Variants in SPAG17 observed in about 807,000 individuals in gnomAD.
The protein encoded by SPAG17 is sperm associated antigen 17.
A neutral mutation model predicts 273.6 loss-of-function variants in SPAG17; 169 were observed. The ratio of observed to expected loss-of-function variants is 0.62; its 90% CI spans 0.55 to 0.70. The LOEUF (loss-of-function observed/expected upper bound fraction) is 0.70, where lower values mean the gene tolerates loss of function less well. Ranked by LOEUF, SPAG17 falls within the 30% of genes least tolerant of loss-of-function variation. The pLI, the probability that SPAG17 is intolerant of heterozygous loss-of-function variation, is 0.00. For missense variants in SPAG17, 2,557 were observed against 2,627.8 expected, an observed-to-expected ratio of 0.97 and a Z score of 0.59; for synonymous variants, 825 against 873.2, an observed-to-expected ratio of 0.94 and a Z score of 0.97.
At chr1:118,009,157 A>G (rs994053036) in intron 30 of SPAG17, among the ~76,000 whole-genome samples, 1 of 152,078 alleles carries the variant, frequency 6.6e-6, no homozygotes, top group Non-Finnish European at 1.5e-5. Flanking sequence ...ATGAATAAGT[A>G]TAAGAATGTA....
intron 1 of SPAG17, among the ~76,000 whole-genome samples, chr1:118,169,678 T>TA (rs1660329895): frequency 6.6e-6 from 1 of 152,182 alleles, no homozygotes; most frequent in African/African-American, 2.4e-5. Flanking sequence ...AAATCCTACT[T>TA]AGACCCAGTT....
chr1:118,008,408 ATCT>A (rs1241570831), intron 30 of SPAG17, among the ~76,000 whole-genome samples: 1 of 152,036 alleles, frequency 6.6e-6, no homozygotes, highest in South Asian at 2.1e-4. Context: ...TCCAGAAAAA[ATCT>A]TCTTAATTTA....
At chr1:118,099,559 G>T in intron 6 of SPAG17, 47 bp downstream of exon 6, 1 of 1,474,424 alleles carries the variant, frequency 6.8e-7, no homozygotes, top group South Asian at 1.1e-5. Flanking sequence ...TTTAAGGACA[G>T]TGGGTAATAT....
chr1:118,017,276 C>T lies in SPAG17; in HGVS notation c.4070-1094G>A, dbSNP rs188839738. Among the ~76,000 whole-genome samples, 56 of 152,028 alleles carry T rather than the reference C, an allele frequency of 3.7e-4. No homozygotes were observed. The East Asian group carries it at 0.01, about 28-fold the overall frequency. ...TTTTTTCTATATTCTCCCTTTTTCT[C>T]CTATTTCCCTCCCCTCTCCTTCTGT... On this transcript the variant is annotated intron_variant, in intron 28 of 48. Coordinates refer to ENST00000336338, the MANE Select transcript of SPAG17 (RefSeq NM_206996.4).
At chr1:118,165,204 G>A (rs551551746) in intron 1 of SPAG17, among the ~76,000 whole-genome samples, 35 of 152,256 alleles carry the variant, frequency 2.3e-4, no homozygotes, top group African/African-American at 8.2e-4. Context: ...CATCACGGTC[G>A]TCCTGGGGTT....
intron 4 of SPAG17, among the ~76,000 whole-genome samples, chr1:118,105,955 G>A (rs1201749476): frequency 6.6e-6 from 1 of 152,152 alleles, no homozygotes; most frequent in Admixed American, 6.5e-5. Flanking sequence ...AGATAGGAGG[G>A]TCTGGGTAAC....
intron 6 of SPAG17, 101 bp from the exon 7 acceptor site, chr1:118,097,952 A>G (rs1655823749): frequency 1.6e-6 from 1 of 616,996 alleles, no homozygotes; most frequent in East Asian, 3.3e-5. Flanking sequence ...ATATCTGTAC[A>G]GTACCAGAAA....
intron 30 of SPAG17, among the ~76,000 whole-genome samples, chr1:118,010,651 C>T (rs1004774742): frequency 4.6e-5 from 7 of 152,104 alleles, no homozygotes; most frequent in East Asian, 1.9e-4. Flanking sequence ...GACGTAGCAA[C>T]AGGCAAAGAT....
At chr1:117,954,246 G>A (rs1651835246) in intron 48 of SPAG17, 197 bp from the exon 49 acceptor site, 1 of 696,842 alleles carries the variant, frequency 1.4e-6, no homozygotes, top group Admixed American at 3.3e-5. Context: ...AGAAATTGAG[G>A]AAGTGTGGGA....
intron 3 of SPAG17, among the ~76,000 whole-genome samples, chr1:118,146,009 G>GC (rs1658968208): frequency 6.6e-6 from 1 of 152,124 alleles, no homozygotes; most frequent in Non-Finnish European, 1.5e-5. Context: ...TGGTTGGTAG[G>GC]CATGGTGACC....
rs1267302236 is a variant in SPAG17, at chr1:117,991,518, T to C, written c.5372A>G (p.Asn1791Ser). 2 of 1,594,906 alleles carry C rather than the reference T, an allele frequency of 1.3e-6. No individual in the cohort carries two copies. Among genetic ancestry groups the C allele is most frequent in the Non-Finnish European group, 1.7e-6 (2 of 1,164,094 alleles). The change falls in exon 37 of 49, where the codon AAC (asparagine) becomes AGC (serine). Residue 1791 changes from asparagine to serine, a missense_variant. Asn to Ser is a conservative substitution (Grantham distance 46). Coordinates refer to ENST00000336338, the MANE Select transcript of SPAG17 (RefSeq NM_206996.4). ...RLQVSLKDYI[N>S]YILKKEDELQ... ...CTCATCTTCTTTCTTTAGAATATAG[T>C]TTATGTAATCCTAAATCAGCAGAAT...
Position 118,136,321 on chromosome 1 carries a change from A to G in SPAG17, c.315+14222T>C, listed in dbSNP as rs142084749. 5.9e-3 allele frequency among the ~76,000 whole-genome samples: 900 copies of G among 152,298 alleles called. 7 individuals carry two copies. Among genetic ancestry groups the G allele is most frequent in the Middle Eastern group, 0.01 (3 of 294 alleles). ...CTCGTGGTATGCAGAAATTGCTTCC[A>G]GTGACTTGCATCATTACTCTTAGCC... On this transcript the variant is annotated intron_variant, in intron 3 of 48. Transcript: ENST00000336338.
At chr1:118,142,484 C>T (rs1658735237) in intron 3 of SPAG17, among the ~76,000 whole-genome samples, 1 of 151,832 alleles carries the variant, frequency 6.6e-6, no homozygotes, top group South Asian at 2.1e-4. Flanking sequence ...ATATTTTTAC[C>T]ATAATAAAAA....
intron 3 of SPAG17, among the ~76,000 whole-genome samples, chr1:118,144,295 G>A (rs1159143912): frequency 6.6e-6 from 1 of 152,154 alleles, no homozygotes; most frequent in East Asian, 1.9e-4. Context: ...GTGCCCTCCA[G>A]AAATGTGGGG....
intron 48 of SPAG17, chr1:117,958,860 G>C (rs1344418855): frequency 6.9e-7 from 1 of 1,447,242 alleles, no homozygotes. Context: ...GAAGGGTTAA[G>C]TAGGGCTAGA....
intron 47 of SPAG17, chr1:117,964,894 CTG>C (rs1487608708): frequency 6.6e-6 from 1 of 152,206 alleles, no homozygotes; most frequent in Non-Finnish European, 1.5e-5. Context: ...CCCTTCAGCT[CTG>C]TTTTTTATTA....
chr1:118,080,914 A>G (rs555416110), intron 15 of SPAG17, among the ~76,000 whole-genome samples, 187 bp downstream of exon 15: 1 of 152,342 alleles, frequency 6.6e-6, no homozygotes, highest in Admixed American at 6.5e-5. Context: ...AAGAGGAATT[A>G]AGATATTTTT....
intron 1 of SPAG17, among the ~76,000 whole-genome samples, chr1:118,158,089 G>A (rs1382099038): frequency 2.6e-5 from 4 of 152,152 alleles, no homozygotes; most frequent in Non-Finnish European, 5.9e-5. Flanking sequence ...GTTAACTGAC[G>A]TGTTTCTAAA....
At chr1:118,148,254 TCACTGACTTCAAAGAATGAAGC>T (rs1256517467) in intron 3 of SPAG17, among the ~76,000 whole-genome samples, 1 of 152,212 alleles carries the variant, frequency 6.6e-6, no homozygotes, top group Non-Finnish European at 1.5e-5. Flanking sequence ...GTTCCTCGTC[TCACTGACTTCAAAGAATGAAGC>T]CACTGACTTC....
Sources: gnomAD v4.1 joint callset for allele counts (sites outside exome capture counted in the v4.1 genomes callset) on GRCh38, gnomAD v4.1.1 for gene constraint, MANE v1.5 for transcripts, NCBI Gene and HGNC (gene_info 2026-07-23, HGNC 2026-07-21) for gene names.